Variants in MTMR12 observed in about 807,000 individuals in gnomAD.
MTMR12 encodes the protein myotubularin-related protein 12.
In MTMR12, 33 loss-of-function variants were observed where a neutral mutation model predicts 96.7. The ratio of observed to expected loss-of-function variants is 0.34; its 90% confidence interval spans 0.26 to 0.46. The LOEUF is 0.46. MTMR12 is among the 20% of genes least tolerant of loss of function. The pLI is 1.00. For missense variants in MTMR12, 721 were observed against 896.1 expected (o/e 0.80, Z 2.49); for synonymous variants, 298 against 327.2 (o/e 0.91, Z 0.96).
intron 1 of MTMR12, among the ~76,000 whole-genome samples, chr5:32,299,625 A>G (rs915403289): frequency 1.3e-5 from 2 of 152,176 alleles, no homozygotes; most frequent in Non-Finnish European, 2.9e-5. Context: ...GGAACCAGGG[A>G]CAGATGAGAG....
At chr5:32,273,853 C>G in intron 3 of MTMR12, 127 bp downstream of exon 3, 1 of 1,356,346 alleles carries the variant, frequency 7.4e-7, no homozygotes, top group Non-Finnish European at 1.0e-6. Context: ...TTCATACATT[C>G]AGGATTTCTG....
chr5:32,280,401 C>T (rs1000424345), intron 1 of MTMR12, among the ~76,000 whole-genome samples: 1 of 152,148 alleles, frequency 6.6e-6, no homozygotes, highest in Non-Finnish European at 1.5e-5. Flanking sequence ...TGACACAGTG[C>T]TAAAAGGACA....
intron 2 of MTMR12, among the ~76,000 whole-genome samples, chr5:32,274,761 T>C (rs537507990): frequency 3.3e-5 from 5 of 152,306 alleles, no homozygotes; most frequent in Non-Finnish European, 1.5e-5. Flanking sequence ...TCTTTCTTAG[T>C]TAAGCGTATT....
intron 1 of MTMR12, among the ~76,000 whole-genome samples, chr5:32,289,253 T>C (rs756125764): frequency 5.3e-5 from 8 of 152,236 alleles, no homozygotes; most frequent in Admixed American, 6.5e-5. Flanking sequence ...ACTGCATTCC[T>C]ACTTAATTTA....
chr5:32,293,775 C>T (rs1254303165), intron 1 of MTMR12, among the ~76,000 whole-genome samples: 1 of 152,144 alleles, frequency 6.6e-6, no homozygotes, highest in East Asian at 1.9e-4. Flanking sequence ...CCAGATCTGC[C>T]TTCAGAGCTG....
Position 32,248,091 on chromosome 5 carries a change from A to G in MTMR12, c.932T>C (p.Ile311Thr), listed in dbSNP as rs573272258. The change falls in exon 10 of 16, where the codon ATT (isoleucine) becomes ACT (threonine). Residue 311 changes from isoleucine to threonine, a missense_variant. Ile to Thr is a moderately conservative substitution (Grantham distance 89, BLOSUM62 -1). Transcript: ENST00000382142. ...YKTIHRPPYE[I>T]VKTEDLSSNF... is the part of the protein sequence containing the mutation. ...GCTTGACAGGTCTTCCGTTTTAACA[A>G]TTTCATAGGGTGGCCTGTGGATGGT... The G allele has an allele frequency of 2.3e-4, 379 of 1,614,024 alleles. 4 individuals are homozygous for G. In the South Asian group the frequency reaches 3.9e-3, roughly 17 times the overall value.
chr5:32,281,412 T>C (rs1750289889), intron 1 of MTMR12, among the ~76,000 whole-genome samples: 1 of 152,188 alleles, frequency 6.6e-6, no homozygotes, highest in Non-Finnish European at 1.5e-5. Flanking sequence ...AAGTTGGCCC[T>C]AAATCTGTAA....
In MTMR12 at chr5:32,229,284, A is replaced by T. The variant is rs554800494; in HGVS notation, c.*494T>A. 4 of 152,784 alleles carry T rather than the reference A, an allele frequency of 2.6e-5. No homozygotes were observed. The East Asian group carries it at 7.7e-4, about 29-fold the overall frequency. 9.5% of individuals were successfully genotyped at this position (152,784 alleles called of 1,614,324 possible). A position where few individuals can be genotyped will look rare whatever the true frequency, so the allele number is the denominator to read the frequency against. Reference sequence around the variant, plus strand: ...GAAAAAAATGTGATGGTTTAAGTAAATGCCACACATCTTAATACCTCTATC... The same window carrying T: ...GAAAAAAATGTGATGGTTTAAGTAATTGCCACACATCTTAATACCTCTATC... On this transcript the variant is annotated 3_prime_UTR_variant, in exon 16 of 16. Coordinates refer to ENST00000382142, the MANE Select transcript of MTMR12 (RefSeq NM_001040446.3).
chr5:32,237,976 C>G (rs1748303549), intron 13 of MTMR12, among the ~76,000 whole-genome samples: 1 of 151,324 alleles, frequency 6.6e-6, no homozygotes, highest in African/African-American at 2.4e-5. Flanking sequence ...AACCCCATCT[C>G]TACTAAAAAT....
At chr5:32,282,374 T>C (rs1750333831) in intron 1 of MTMR12, among the ~76,000 whole-genome samples, 1 of 151,572 alleles carries the variant, frequency 6.6e-6, no homozygotes, top group Non-Finnish European at 1.5e-5. Flanking sequence ...TGAGCCGAGA[T>C]TGTGCCACTG....
At chr5:32,290,983 C>T (rs188390603) in intron 1 of MTMR12, among the ~76,000 whole-genome samples, 24 of 152,322 alleles carry the variant, frequency 1.6e-4, no homozygotes, top group East Asian at 9.6e-4. Flanking sequence ...TACAGTGGGT[C>T]GTGCACAGCA....
At chr5:32,300,886 C>A (rs1164414368) in intron 1 of MTMR12, among the ~76,000 whole-genome samples, 1 of 152,096 alleles carries the variant, frequency 6.6e-6, no homozygotes, top group Non-Finnish European at 1.5e-5. Context: ...ATTAGCTTGG[C>A]CAACATGGTG....
intron 6 of MTMR12, among the ~76,000 whole-genome samples, chr5:32,263,815 C>T (rs545172318): frequency 6.6e-6 from 1 of 152,272 alleles, no homozygotes; most frequent in African/African-American, 2.4e-5. Context: ...AGTCATCTGA[C>T]CATGAGTTAA....
chr5:32,253,463 A>AAG (rs1200950712), intron 8 of MTMR12, among the ~76,000 whole-genome samples: 2 of 152,042 alleles, frequency 1.3e-5, no homozygotes, highest in Non-Finnish European at 2.9e-5. Context: ...GAGAGGGAGA[A>AAG]AGAGAGAGAG....
At position 32,250,555 on chromosome 5, in the gene MTMR12, A is replaced by G. The variant is rs75556231; in HGVS notation, c.790-1677T>C. On this transcript the variant is annotated intron_variant, in intron 8 of 15. Coordinates refer to ENST00000382142, the MANE Select transcript of MTMR12 (RefSeq NM_001040446.3). ...TTTCAGCTCTCTGCCTAAGGTGGTGAAATTTTGGTGCCCAGGCAATTGTGC... is the reference window on the plus strand; with the variant it reads ...TTTCAGCTCTCTGCCTAAGGTGGTGGAATTTTGGTGCCCAGGCAATTGTGC... 5.6e-4 allele frequency among the ~76,000 whole-genome samples: 85 copies of G among 152,354 alleles called. 2 individuals are homozygous for G. The East Asian group carries it at 0.015, about 27-fold the overall frequency.
intron 8 of MTMR12, among the ~76,000 whole-genome samples, chr5:32,254,852 C>T (rs1749078148): frequency 6.6e-6 from 1 of 152,060 alleles, no homozygotes; most frequent in Admixed American, 6.6e-5. Flanking sequence ...CTAAAAAAAA[C>T]AAAAATAAAA....
intron 3 of MTMR12, 106 bp from the exon 4 acceptor site, chr5:32,272,011 G>A (rs1054305317): frequency 3.2e-6 from 2 of 633,480 alleles, no homozygotes; most frequent in Non-Finnish European, 5.1e-6. Context: ...AAAATGGGGG[G>A]CCGGGTGCAG....
rs747221572 is a variant in MTMR12 at position 32,255,808 on chromosome 5, T to G, written c.714-40A>C. ...TGTCATCAAGTTTTAGTACAACACT[T>G]AATTCACAAAATATGAAAGCTCAAC... On this transcript the variant is annotated intron_variant, in intron 7 of 15. Transcript: ENST00000382142. 41 of 1,523,836 alleles carry G rather than the reference T, an allele frequency of 2.7e-5. No homozygotes were observed. The East Asian group carries it at 9.1e-4, about 34-fold the overall frequency. 94.4% of individuals were successfully genotyped at this position (1,523,836 alleles called of 1,614,324 possible). A position where few individuals can be genotyped will look rare whatever the true frequency, so the allele number is the denominator to read the frequency against.
At chr5:32,306,733 T>A (rs1198768371) in intron 1 of MTMR12, among the ~76,000 whole-genome samples, 1 of 152,198 alleles carries the variant, frequency 6.6e-6, no homozygotes, top group Admixed American at 6.5e-5. Flanking sequence ...GTGGGCAAGA[T>A]ATTAAACTTT....
Sources: allele counts gnomAD v4.1 joint callset (sites outside exome capture counted in the v4.1 genomes callset), GRCh38; gene constraint gnomAD v4.1.1; transcripts MANE v1.5; gene names NCBI Gene and HGNC (gene_info 2026-07-23, HGNC 2026-07-21).